The following POLA1 variants were observed in gnomAD, a reference collection of about 807,000 sequenced individuals.
The protein encoded by POLA1 is DNA polymerase alpha catalytic subunit.
Under a neutral mutation model 124.0 loss-of-function variants are expected in POLA1, and 15 were observed. That is an observed-to-expected ratio of 0.12 (90% CI 0.08 to 0.19). The LOEUF is 0.19. Among genes scored for constraint, POLA1 ranks in the 10% least tolerant of loss-of-function variants. The probability of loss-of-function intolerance (pLI) is 1.00; values close to 1 mark genes in which losing one functional copy is unlikely to be tolerated. For missense variants in POLA1, 886 were observed against 1,103.4 expected, an observed-to-expected ratio of 0.80 and a Z score of 2.79; for synonymous variants, 408 against 389.4, an observed-to-expected ratio of 1.05 and a Z score of -0.56.
At chrX:24,714,132 A>C (rs1929658537) in intron 4 of POLA1, among the ~76,000 whole-genome samples, 1 of 112,289 alleles carries the variant, frequency 8.9e-6, no homozygotes, top group South Asian at 3.7e-4. Flanking sequence ...TTTTTCCTAC[A>C]TACCTTGTAT....
Position 24,815,552 on chromosome X carries a change from G to A in POLA1, c.3429+441G>A, listed in dbSNP as rs144342686. Among the ~76,000 whole-genome samples, 277 of 111,469 alleles carry A rather than the reference G, an allele frequency of 2.5e-3. 1 individual carries two copies. Among genetic ancestry groups the A allele is most frequent in the African/African-American group, 8.1e-3 (248 of 30,690 alleles). On this transcript the variant is annotated intron_variant, in intron 30 of 36. Coordinates refer to ENST00000379068, the MANE Select transcript of POLA1 (RefSeq NM_001330360.2). The stretch of plus-strand genomic sequence containing the variant: ...TAACTTCACAGATGGTGATTCTTTT[G>A]GGGACAAAAGTTATTTAGGGACAGT...
At chrX:24,700,327 A>G (rs1928324030) in intron 2 of POLA1, among the ~76,000 whole-genome samples, 1 of 111,072 alleles carries the variant, frequency 9.0e-6, no homozygotes, top group Non-Finnish European at 1.9e-5. Flanking sequence ...AGGCACAGAA[A>G]GTTTAGTGAG....
intron 26 of POLA1, among the ~76,000 whole-genome samples, chrX:24,765,293 T>G (rs958075742): frequency 4.1e-5 from 4 of 98,258 alleles, no homozygotes; most frequent in Non-Finnish European, 8.1e-5. Context: ...GTTTTTTTTG[T>G]TTTTTTTTTT....
At chrX:24,695,469 A>G (rs749561197) in intron 1 of POLA1, among the ~76,000 whole-genome samples, 38 of 110,825 alleles carry the variant, frequency 3.4e-4, no homozygotes, top group African/African-American at 1.2e-3. Context: ...AAAAAAGATC[A>G]GGGAATTTTT....
At chrX:24,863,655 C>T (rs753965937) in intron 34 of POLA1, among the ~76,000 whole-genome samples, 5 of 111,446 alleles carry the variant, frequency 4.5e-5, no homozygotes, top group African/African-American at 6.5e-5. Context: ...GTCACCCAGG[C>T]GAAAACACTG....
chrX:24,826,147 A>G (rs1486786138), intron 31 of POLA1, among the ~76,000 whole-genome samples: 1 of 112,218 alleles, frequency 8.9e-6, no homozygotes, highest in Non-Finnish European at 1.9e-5. Context: ...GGTCATTGCT[A>G]TCTTGTTGGT....
intron 26 of POLA1, among the ~76,000 whole-genome samples, chrX:24,785,335 T>TA (rs2045341636): frequency 1.8e-5 from 2 of 111,772 alleles, no homozygotes; most frequent in African/African-American, 6.5e-5. Flanking sequence ...CTTGCCTGTG[T>TA]AAGAATGGTC....
chrX:24,917,923 T>C (rs1230034606), intron 35 of POLA1, among the ~76,000 whole-genome samples: 7 of 111,804 alleles, frequency 6.3e-5, no homozygotes, highest in Non-Finnish European at 1.3e-4. Context: ...ATTGTCTTAT[T>C]TAATCTTTAC....
At chrX:24,741,873 T>TTA in intron 21 of POLA1, 129 bp from the exon 22 acceptor site, 35 of 399,207 alleles carry the variant, frequency 8.8e-5, no homozygotes, top group Non-Finnish European at 1.3e-4. Flanking sequence ...TTTTTTTTTT[T>TTA]AAAAAAAAAG....
At chrX:24,915,958 A>C (rs1272744960) in intron 35 of POLA1, among the ~76,000 whole-genome samples, 1 of 112,286 alleles carries the variant, frequency 8.9e-6, no homozygotes, top group Admixed American at 9.4e-5. Flanking sequence ...AAGTGATTTC[A>C]GAGAAACAGA....
chrX:24,919,226 G>A (rs1457391094), intron 35 of POLA1, among the ~76,000 whole-genome samples: 1 of 111,946 alleles, frequency 8.9e-6, no homozygotes, highest in East Asian at 2.8e-4. Flanking sequence ...TCTAAAGAAC[G>A]TATTCTTCTA....
At chrX:24,716,065 A>AAG (rs1929808858) in intron 6 of POLA1, among the ~76,000 whole-genome samples, 1 of 111,759 alleles carries the variant, frequency 8.9e-6, no homozygotes, top group African/African-American at 3.3e-5. Context: ...AACACCATGT[A>AAG]GTTTTATCTT....
rs138232611 is a variant in POLA1, at chrX:24,936,131, T to C, written c.4261+5582T>C. On this transcript the variant is annotated intron_variant, in intron 36 of 36. Coordinates refer to ENST00000379068, the MANE Select transcript of POLA1 (RefSeq NM_001330360.2). The stretch of plus-strand genomic sequence containing the variant: ...TACACTCATGAAGTGCTAATAGTTA[T>C]ATTACTTTGTGGAAAATGGTCTCCA... Among the ~76,000 whole-genome samples the C allele has an allele frequency of 7.2e-3, 806 of 112,590 alleles. 3 individuals are homozygous for C. The highest frequency in any genetic ancestry group is 0.024 in the African/African-American group (748 of 31,022).
intron 36 of POLA1, among the ~76,000 whole-genome samples, chrX:24,979,537 G>C: frequency 8.9e-6 from 1 of 112,256 alleles, no homozygotes; most frequent in South Asian, 3.7e-4. Context: ...GTTGCTAACA[G>C]ATTTTTTTCT....
chrX:24,819,470 A>G (rs2046050075), intron 30 of POLA1, among the ~76,000 whole-genome samples: 1 of 110,637 alleles, frequency 9.0e-6, no homozygotes, highest in African/African-American at 3.3e-5. Context: ...TATTCTTTCA[A>G]GTAAAAATTA....
chrX:24,708,049 G>A (rs1471870444), intron 4 of POLA1, among the ~76,000 whole-genome samples: 1 of 111,886 alleles, frequency 8.9e-6, no homozygotes, highest in Non-Finnish European at 1.9e-5. Context: ...GCAGGAAAAT[G>A]CAATAAAACA....
chrX:24,932,943 A>G (rs2047803337), intron 36 of POLA1, among the ~76,000 whole-genome samples: 1 of 111,774 alleles, frequency 8.9e-6, no homozygotes. Context: ...GGGCACACTT[A>G]CCAAGAGCAG....
At position 24,764,503 on chromosome X, in the gene POLA1, G is replaced by A. The variant is rs191640801; in HGVS notation, c.2964+15511G>A. Among the ~76,000 whole-genome samples the A allele has an allele frequency of 2.3e-3, 256 of 111,755 alleles. 1 individual carries two copies. The highest frequency in any genetic ancestry group is 5.2e-3 in the African/African-American group (161 of 30,800). On this transcript the variant is annotated intron_variant, in intron 26 of 36. Coordinates refer to ENST00000379068, the MANE Select transcript of POLA1 (RefSeq NM_001330360.2). The stretch of plus-strand genomic sequence containing the variant: ...ATTTAAAACTGATTTTCTTCACTCT[G>A]CAACTTAATGAGCTCAGCTTATGTT...
intron 34 of POLA1, among the ~76,000 whole-genome samples, chrX:24,856,186 G>T (rs2046642799): frequency 9.0e-6 from 1 of 111,493 alleles, no homozygotes; most frequent in Non-Finnish European, 1.9e-5. Flanking sequence ...ACTCCCTCCT[G>T]CTATTCCTTT....
Sources: allele counts gnomAD v4.1 joint callset (sites outside exome capture counted in the v4.1 genomes callset), GRCh38; gene constraint gnomAD v4.1.1; transcripts MANE v1.5; gene names NCBI Gene and HGNC (gene_info 2026-07-23, HGNC 2026-07-21).